The following CDKAL1 variants were observed in gnomAD, a reference collection of about 807,000 sequenced individuals.
The protein encoded by CDKAL1 is threonylcarbamoyladenosine tRNA methylthiotransferase.
CDKAL1 carries 32 observed loss-of-function variants against 68.2 expected under a neutral mutation model. The observed-to-expected ratio is 0.47, with a 90% confidence interval of 0.35 to 0.63. The LOEUF is 0.63. Among genes scored for constraint, CDKAL1 ranks in the 30% least tolerant of loss-of-function variants. CDKAL1 has a pLI of 0.00. For missense variants in CDKAL1, 606 were observed against 696.7 expected, an observed-to-expected ratio of 0.87 and a Z score of 1.47; for synonymous variants, 234 against 244.3, an observed-to-expected ratio of 0.96 and a Z score of 0.39.
At chr6:20,720,369 C>T (rs1374372547) in intron 5 of CDKAL1, among the ~76,000 whole-genome samples, 2 of 151,954 alleles carry the variant, frequency 1.3e-5, no homozygotes, top group Admixed American at 6.5e-5. Context: ...GGGTGTCCAC[C>T]ACCCACGTAC....
intron 7 of CDKAL1, among the ~76,000 whole-genome samples, chr6:20,772,388 A>G (rs1447511768): frequency 4.6e-5 from 7 of 152,146 alleles, no homozygotes; most frequent in Non-Finnish European, 8.8e-5. Context: ...AACTGTTCTG[A>G]TGTACATTTG....
chr6:20,542,679 C>T (rs1030977990), intron 2 of CDKAL1, among the ~76,000 whole-genome samples: 3 of 152,100 alleles, frequency 2.0e-5, no homozygotes, highest in African/African-American at 4.8e-5. Flanking sequence ...CCAGGTCTCC[C>T]GTTGGTAACA....
At chr6:20,814,637 A>C (rs1776966480) in intron 8 of CDKAL1, among the ~76,000 whole-genome samples, 1 of 152,222 alleles carries the variant, frequency 6.6e-6, no homozygotes, top group Non-Finnish European at 1.5e-5. Flanking sequence ...TTTAGTTTAC[A>C]GTTCATTTTC....
chr6:20,707,470 A>G (rs1433403702), intron 5 of CDKAL1, among the ~76,000 whole-genome samples: 1 of 152,238 alleles, frequency 6.6e-6, no homozygotes, highest in Non-Finnish European at 1.5e-5. Flanking sequence ...CTTATCTACA[A>G]CATAAAAAAG....
intron 12 of CDKAL1, among the ~76,000 whole-genome samples, chr6:21,088,456 G>A (rs1181267863): frequency 6.6e-6 from 1 of 152,126 alleles, no homozygotes; most frequent in African/African-American, 2.4e-5. Context: ...CTAACAAAAT[G>A]TAATTATTTA....
At chr6:21,037,104 A>G (rs149410184) in intron 11 of CDKAL1, among the ~76,000 whole-genome samples, 1,589 of 151,664 alleles carry the variant, frequency 0.01, 30 homozygotes, top group African/African-American at 0.037. Flanking sequence ...TAATGGGGGG[A>G]AAAATCTAAA....
chr6:20,919,419 G>A (rs1298921511), intron 9 of CDKAL1, among the ~76,000 whole-genome samples: 3 of 152,146 alleles, frequency 2.0e-5, no homozygotes, highest in South Asian at 2.1e-4. Flanking sequence ...TCTGGGGTAC[G>A]TGTGCAGAAC....
intron 11 of CDKAL1, among the ~76,000 whole-genome samples, chr6:21,030,745 A>T (rs1391608572): frequency 1.3e-5 from 2 of 152,098 alleles, no homozygotes; most frequent in East Asian, 1.9e-4. Flanking sequence ...TGCAGAAGGG[A>T]ATGCATGCAT....
chr6:20,536,547 A>G (rs972091847), intron 2 of CDKAL1, among the ~76,000 whole-genome samples: 1 of 152,200 alleles, frequency 6.6e-6, no homozygotes, highest in Non-Finnish European at 1.5e-5. Flanking sequence ...TATATTTGAC[A>G]TACATTCTAG....
chr6:21,039,778 T>G (rs1338143471), intron 11 of CDKAL1, among the ~76,000 whole-genome samples: 1 of 152,172 alleles, frequency 6.6e-6, no homozygotes, highest in Non-Finnish European at 1.5e-5. Flanking sequence ...GATTGAAACA[T>G]GGGGGACTGA....
chr6:20,967,322 T>C (rs1222147375), intron 10 of CDKAL1, among the ~76,000 whole-genome samples: 3 of 152,222 alleles, frequency 2.0e-5, no homozygotes, highest in African/African-American at 7.2e-5. Context: ...CCTCCTTTTG[T>C]AGTAAATAGA....
rs568485462 is a variant in CDKAL1, at chr6:20,743,774, T to A, written c.468+4159T>A. Among the ~76,000 whole-genome samples the A allele has an allele frequency of 1.4e-4, 22 of 152,316 alleles. No individual in the cohort carries two copies. In the South Asian group the frequency reaches 4.6e-3, roughly 32 times the overall value. ...CTGAGTCCAGATCCTCTGGCTTTGGTGGCTGTAACCTCTGCACTTCTCCCA... is the reference window on the plus strand; with the variant it reads ...CTGAGTCCAGATCCTCTGGCTTTGGAGGCTGTAACCTCTGCACTTCTCCCA... On this transcript the variant is annotated intron_variant, in intron 6 of 15. Transcript: ENST00000274695.
At chr6:20,677,499 G>C (rs1190491152) in intron 5 of CDKAL1, among the ~76,000 whole-genome samples, 1 of 150,064 alleles carries the variant, frequency 6.7e-6, no homozygotes, top group Non-Finnish European at 1.5e-5. Flanking sequence ...CCTCATTGCT[G>C]CCTCCACCTC....
chr6:21,095,098 C>T (rs558760451), intron 12 of CDKAL1, among the ~76,000 whole-genome samples: 1 of 152,266 alleles, frequency 6.6e-6, no homozygotes, highest in African/African-American at 2.4e-5. Context: ...TTCAGTATGT[C>T]TCTCTGAAGA....
In CDKAL1 at chr6:21,113,620, A is replaced by C. The variant is rs532008610; in HGVS notation, c.1299+5157A>C. ...CGGGTTCAAGCAATTCTCCTGCCTCAGCCTACCCGGCTAACTTTTTGTATT... is the reference window on the plus strand; with the variant it reads ...CGGGTTCAAGCAATTCTCCTGCCTCCGCCTACCCGGCTAACTTTTTGTATT... On this transcript the variant is annotated intron_variant, in intron 13 of 15. Transcript: ENST00000274695. Among the ~76,000 whole-genome samples, 16 of 152,094 alleles carry C rather than the reference A, an allele frequency of 1.1e-4. No homozygotes were observed. In the East Asian group the frequency reaches 3.1e-3, roughly 30 times the overall value.
intron 12 of CDKAL1, among the ~76,000 whole-genome samples, chr6:21,092,744 A>AT (rs1235957840): frequency 6.6e-6 from 1 of 151,894 alleles, no homozygotes; most frequent in East Asian, 1.9e-4. Context: ...TAAAAAAAAA[A>AT]AAAAGAAGTT....
intron 13 of CDKAL1, among the ~76,000 whole-genome samples, chr6:21,131,482 TTTTATATCATGTGGTGTGG>T (rs1245136432): frequency 7.9e-5 from 12 of 152,252 alleles, no homozygotes; most frequent in South Asian, 4.1e-4. Flanking sequence ...TGACAACTAC[TTTTATATCATGTGGTGTGG>T]TCGGTATTGT....
At chr6:21,120,662 T>TA (rs1774665018) in intron 13 of CDKAL1, among the ~76,000 whole-genome samples, 1 of 152,248 alleles carries the variant, frequency 6.6e-6, no homozygotes, top group Admixed American at 6.5e-5. Flanking sequence ...TATGTGTTTT[T>TA]ATATAGATAT....
chr6:21,231,236 T>G lies in CDKAL1; in HGVS notation c.*197T>G, dbSNP rs937585896. The G allele has an allele frequency of 1.8e-5, 8 of 443,882 alleles. No individual in the cohort carries two copies. Among genetic ancestry groups the G allele is most frequent in the Non-Finnish European group, 2.8e-5 (7 of 250,380 alleles). The allele number at this position is 443,882 out of a possible 1,614,324, so 27.5% of individuals were successfully genotyped here. On this transcript the variant is annotated 3_prime_UTR_variant, in exon 16 of 16. Coordinates refer to ENST00000274695, the MANE Select transcript of CDKAL1 (RefSeq NM_017774.3). ...CCCATTGGTTATTTGACCTAAAACC[T>G]AATCACCGCTACCATAGCACATCCT...
Sources: gnomAD v4.1 joint callset for allele counts (sites outside exome capture counted in the v4.1 genomes callset) on GRCh38, gnomAD v4.1.1 for gene constraint, MANE v1.5 for transcripts, NCBI Gene and HGNC (gene_info 2026-07-23, HGNC 2026-07-21) for gene names.